Variants in TRIM49D1 observed in about 807,000 individuals in gnomAD.
The protein encoded by TRIM49D1 is tripartite motif containing 49D1, also known as tripartite motif-containing protein 49D.
rs74378710 is a variant in TRIM49D1 at position 89,921,945 on chromosome 11, C to A, written c.-309G>T. ...CCTACGTGAGTGTTTCATTGAATAA[C>A]AATAAGAAAGTTTGTCTATGCCACA... On this transcript the variant is annotated 5_prime_UTR_variant, in exon 1 of 8. Transcript: ENST00000420869. 6.6e-6 allele frequency among the ~76,000 whole-genome samples: 1 copy of A among 151,950 alleles called. No homozygotes were observed. The highest frequency in any genetic ancestry group is 2.4e-5 in the African/African-American group (1 of 41,300).
At chr11:89,920,573 G>A in intron 1 of TRIM49D1, 64 bp from the exon 2 acceptor site, 1 of 275,592 alleles carries the variant, frequency 3.6e-6, no homozygotes, top group East Asian at 7.6e-5. Flanking sequence ...GCAGTATTTA[G>A]ATCGCACCTT....
At chr11:89,912,511 G>A (rs1950321281) in intron 7 of TRIM49D1, among the ~76,000 whole-genome samples, 1 of 142,702 alleles carries the variant, frequency 7.0e-6, no homozygotes, top group Non-Finnish European at 1.6e-5. Context: ...AGTTACTCAA[G>A]AACTGCTCTA....
intron 1 of TRIM49D1, among the ~76,000 whole-genome samples, chr11:89,920,718 A>C (rs1950326663): frequency 6.6e-6 from 1 of 151,978 alleles, no homozygotes; most frequent in Admixed American, 6.6e-5. Context: ...ATTGAGCTTC[A>C]TCCAAGATAC....
intron 1 of TRIM49D1, 161 bp downstream of exon 1, chr11:89,921,691 A>C (rs1231157366): frequency 1.3e-5 from 2 of 152,026 alleles, no homozygotes; most frequent in African/African-American, 4.8e-5. Context: ...AGGAAGAAAA[A>C]TCCTCAGCTG....
rs192263316 is a variant in TRIM49D1, at chr11:89,921,141, A to G, written c.-215-632T>C. Among the ~76,000 whole-genome samples the G allele has an allele frequency of 1.1e-3, 167 of 152,184 alleles. 4 individuals carry two copies. Among genetic ancestry groups the G allele is most frequent in the African/African-American group, 3.9e-3 (162 of 41,510 alleles). The stretch of plus-strand genomic sequence containing the variant: ...CCACTCTAAGAGAAATCACTGACTA[A>G]CCAAATAACTCTACTAATTTGAGGT... On this transcript the variant is annotated intron_variant, in intron 1 of 7. Coordinates refer to ENST00000420869, the MANE Select transcript of TRIM49D1 (RefSeq NM_001384911.1).
Position 89,911,568 on chromosome 11 carries a change from A to AT in TRIM49D1, c.*18dup. The AT allele has an allele frequency of 3.3e-6, 3 of 906,104 alleles. No individual in the cohort carries two copies. The highest frequency in any genetic ancestry group is 4.6e-6 in the Non-Finnish European group (3 of 655,808). 56.1% of individuals were successfully genotyped at this position (906,104 alleles called of 1,614,324 possible). On this transcript the variant is annotated 3_prime_UTR_variant, in exon 8 of 8. Transcript: ENST00000420869. ...AGGGGTTCCCACAGCAGATGAACACATATCTGATTTGTCTCTGGTCAGAGG... is the reference window on the plus strand; with the variant it reads ...AGGGGTTCCCACAGCAGATGAACACATTATCTGATTTGTCTCTGGTCAGAGG...
chr11:89,921,715 G>A (rs1235326184), intron 1 of TRIM49D1, 137 bp downstream of exon 1: 1 of 152,000 alleles, frequency 6.6e-6, no homozygotes, highest in Non-Finnish European at 1.5e-5. Context: ...GGATCCCAAT[G>A]GTCAGGATTC....
In TRIM49D1 at chr11:89,922,074, A is replaced by T. The variant is rs781565369; in HGVS notation, c.-438T>A. ...TTTATGTTTTTGTTTGCTTTGTCAA[A>T]GATCAGTTGGTTGTTAAGTATTTGG... On this transcript the variant is annotated 5_prime_UTR_variant, in exon 1 of 8. Coordinates refer to ENST00000420869, the MANE Select transcript of TRIM49D1 (RefSeq NM_001384911.1). Among the ~76,000 whole-genome samples the T allele has an allele frequency of 6.6e-6, 1 of 151,988 alleles. No individual in the cohort carries two copies. The highest frequency in any genetic ancestry group is 1.5e-5 in the Non-Finnish European group (1 of 68,024).
At chr11:89,920,836 G>C (rs970416340) in intron 1 of TRIM49D1, among the ~76,000 whole-genome samples, 1 of 151,950 alleles carries the variant, frequency 6.6e-6, no homozygotes, top group African/African-American at 2.4e-5. Context: ...AGGCTCAAGG[G>C]ATCCTCCTGC....
At position 89,920,462 on chromosome 11, in the gene TRIM49D1, G is replaced by A. The variant is rs1464423954; in HGVS notation, c.-168C>T. 7.6e-6 allele frequency: 1 copy of A among 131,042 alleles called. No individual in the cohort carries two copies. The highest frequency in any genetic ancestry group is 3.0e-5 in the African/African-American group (1 of 32,818). The allele number at this position is 131,042 out of a possible 1,614,324, so 8.1% of individuals were successfully genotyped here. A position where few individuals can be genotyped will look rare whatever the true frequency, so the allele number is the denominator to read the frequency against. On this transcript the variant is annotated 5_prime_UTR_variant, in exon 2 of 8. Transcript: ENST00000420869. ...TTCTCCTTTGGAGAAAACTGAGCTT[G>A]TCTCTTCTATGTCCTTTTATAAGAA... is the stretch of plus-strand genomic sequence containing the variant.
chr11:89,921,473 A>G (rs1950331846), intron 1 of TRIM49D1, among the ~76,000 whole-genome samples: 1 of 152,054 alleles, frequency 6.6e-6, no homozygotes, highest in South Asian at 2.1e-4. Flanking sequence ...TTCTTTGCCA[A>G]TAGCCCCCAC....
rs570163772 is a variant in TRIM49D1, at chr11:89,921,073, G to C, written c.-215-564C>G. On this transcript the variant is annotated intron_variant, in intron 1 of 7. Coordinates refer to ENST00000420869, the MANE Select transcript of TRIM49D1 (RefSeq NM_001384911.1). ...GCTTTAGTACATTTATAGGATATTC[G>C]AAGAGAAGTCCAACAGGAAGATAAA... Among the ~76,000 whole-genome samples, 56 of 152,138 alleles carry C rather than the reference G, an allele frequency of 3.7e-4. 2 individuals carry two copies. The South Asian group carries it at 0.01, about 28-fold the overall frequency.
At chr11:89,912,218 TAA>T (rs1420950591) in intron 7 of TRIM49D1, 132 bp from the exon 8 acceptor site, 3 of 355,574 alleles carry the variant, frequency 8.4e-6, no homozygotes, top group Non-Finnish European at 1.5e-5. Flanking sequence ...CCAGGAAACG[TAA>T]AGTCACAAGG....
At chr11:89,920,695 T>TTTTATACTAATA (rs1269420174) in intron 1 of TRIM49D1, among the ~76,000 whole-genome samples, 186 bp from the exon 2 acceptor site, 1 of 152,004 alleles carries the variant, frequency 6.6e-6, no homozygotes, top group East Asian at 1.9e-4. Context: ...CTAAGATGCA[T>TTTTATACTAATA]TTTATACTGT....
chr11:89,921,446 A>C (rs1268776715), intron 1 of TRIM49D1, among the ~76,000 whole-genome samples: 2 of 152,032 alleles, frequency 1.3e-5, no homozygotes, highest in Non-Finnish European at 2.9e-5. Context: ...CTACTCAAAT[A>C]TATTCTGACA....
rs937825859 is a variant in TRIM49D1, at chr11:89,921,213, G to A, written c.-216+639C>T. 1.3e-4 allele frequency among the ~76,000 whole-genome samples: 20 copies of A among 151,904 alleles called. 1 individual carries two copies. The highest frequency in any genetic ancestry group is 1.2e-3 in the Admixed American group (18 of 15,252). On this transcript the variant is annotated intron_variant, in intron 1 of 7. Transcript: ENST00000420869. ...TTTGCCAATCTCGTGGGTGAAATAC[G>A]AGTTATTATTTTAATGCTTTTCTCC...
intron 1 of TRIM49D1, among the ~76,000 whole-genome samples, chr11:89,921,241 A>T (rs1172250612): frequency 6.6e-6 from 1 of 152,036 alleles, no homozygotes; most frequent in Non-Finnish European, 1.5e-5. Flanking sequence ...TTTTCTCCAC[A>T]TGGTGCATGA....
chr11:89,921,295 G>A (rs573326919), intron 1 of TRIM49D1, among the ~76,000 whole-genome samples: 1 of 152,090 alleles, frequency 6.6e-6, no homozygotes, highest in East Asian at 1.9e-4. Flanking sequence ...TTAATTTGGG[G>A]ATTATAAACA....
chr11:89,912,407 C>G (rs1309731887), intron 7 of TRIM49D1, among the ~76,000 whole-genome samples: 1 of 149,434 alleles, frequency 6.7e-6, no homozygotes, highest in African/African-American at 2.4e-5. Flanking sequence ...ATTATGTGCC[C>G]TAAATGCTAT....
Sources: allele counts gnomAD v4.1 joint callset (sites outside exome capture counted in the v4.1 genomes callset), GRCh38; gene constraint gnomAD v4.1.1; transcripts MANE v1.5; gene names NCBI Gene and HGNC (gene_info 2026-07-23, HGNC 2026-07-21).